The following WWP2 variants were observed in gnomAD, a reference collection of about 807,000 sequenced individuals.
The protein encoded by WWP2 is WW domain containing E3 ubiquitin protein ligase 2, also known as NEDD4-like E3 ubiquitin-protein ligase WWP2.
A neutral mutation model predicts 121.0 loss-of-function variants in WWP2; 57 were observed. The ratio of observed to expected loss-of-function variants is 0.47; its 90% confidence interval spans 0.38 to 0.59. The LOEUF (loss-of-function observed/expected upper bound fraction) is 0.59. WWP2 is among the 20% of genes least tolerant of loss of function. The pLI, the probability that WWP2 is intolerant of heterozygous loss-of-function variation, is 0.00. For synonymous variants in WWP2, 449 were observed against 441.3 expected, an observed-to-expected ratio of 1.02 and a Z score of -0.22; for missense variants, 962 against 1,158.9, an observed-to-expected ratio of 0.83 and a Z score of 2.47.
At chr16:69,849,945 G>T (rs1202083242) in intron 6 of WWP2, among the ~76,000 whole-genome samples, 1 of 152,218 alleles carries the variant, frequency 6.6e-6, no homozygotes, top group Non-Finnish European at 1.5e-5. Context: ...CTCTGTATGA[G>T]CCTAGAGAGA....
At chr16:69,859,987 GGGGGGCTAGAGTGAGA>G (rs2057387237) in intron 6 of WWP2, among the ~76,000 whole-genome samples, 1 of 151,616 alleles carries the variant, frequency 6.6e-6, no homozygotes, top group South Asian at 2.1e-4. Context: ...AGGCATTGGA[GGGGGGCTAGAGTGAGA>G]GGGATGTCAT....
At chr16:69,918,179 T>C (rs901401489) in intron 10 of WWP2, among the ~76,000 whole-genome samples, 2 of 152,212 alleles carry the variant, frequency 1.3e-5, no homozygotes, top group Non-Finnish European at 2.9e-5. Flanking sequence ...CAAGTCCATT[T>C]TCCCTGACTT....
At chr16:69,833,207 T>C (rs758842944) in intron 4 of WWP2, among the ~76,000 whole-genome samples, 3 of 152,356 alleles carry the variant, frequency 2.0e-5, no homozygotes, top group South Asian at 4.1e-4. Flanking sequence ...AAGATTGATA[T>C]ATCTTTTCAG....
intron 4 of WWP2, among the ~76,000 whole-genome samples, chr16:69,806,351 A>G (rs1405291617): frequency 6.6e-6 from 1 of 152,122 alleles, no homozygotes; most frequent in Non-Finnish European, 1.5e-5. Context: ...TTTTCCATCT[A>G]TATTCGTTAG....
Position 69,940,286 on chromosome 16 carries a change from G to A in WWP2, c.*346G>A, listed in dbSNP as rs908108931. ...AGGTGTTGCATCCCCAGGGGCTGCC[G>A]CAGAGGCCGGAGACCTCCTGGACTA... On this transcript the variant is annotated 3_prime_UTR_variant, in exon 24 of 24. Coordinates refer to ENST00000359154, the MANE Select transcript of WWP2 (RefSeq NM_001270454.2). The A allele has an allele frequency of 5.8e-5, 15 of 256,726 alleles. No homozygotes were observed. The highest frequency in any genetic ancestry group is 3.9e-4 in the Admixed American group (8 of 20,354). 15.9% of individuals were successfully genotyped at this position (256,726 alleles called of 1,614,324 possible). A position where few individuals can be genotyped will look rare whatever the true frequency, so the allele number is the denominator to read the frequency against.
At chr16:69,804,106 A>G (rs922789847) in intron 4 of WWP2, among the ~76,000 whole-genome samples, 2 of 152,178 alleles carry the variant, frequency 1.3e-5, no homozygotes, top group Non-Finnish European at 2.9e-5. Context: ...TAAGGTTATT[A>G]TTCTTCGTCT....
chr16:69,777,119 A>G (rs988062693), intron 1 of WWP2, among the ~76,000 whole-genome samples: 3 of 151,052 alleles, frequency 2.0e-5, no homozygotes, highest in Non-Finnish European at 2.9e-5. Flanking sequence ...TGTATATACA[A>G]TACACATATG....
chr16:69,785,242 A>T (rs1043580233), intron 1 of WWP2, among the ~76,000 whole-genome samples: 4 of 152,008 alleles, frequency 2.6e-5, no homozygotes, highest in East Asian at 3.9e-4. Flanking sequence ...AAAAAAAAAA[A>T]AGACAAAAGA....
At chr16:69,773,814 C>A (rs1425456862) in intron 1 of WWP2, among the ~76,000 whole-genome samples, 1 of 152,116 alleles carries the variant, frequency 6.6e-6, no homozygotes, top group Non-Finnish European at 1.5e-5. Context: ...ATTTTCTATG[C>A]AAATTTTTTG....
In WWP2 at chr16:69,870,580, C is replaced by T. The variant is rs144597253; in HGVS notation, c.576-1224C>T. Among the ~76,000 whole-genome samples the T allele has an allele frequency of 6.5e-3, 994 of 152,286 alleles. 8 individuals carry two copies. Among genetic ancestry groups the T allele is most frequent in the African/African-American group, 0.022 (931 of 41,548 alleles). ...CCTCCCAAAGTGTTAGGATAACAGG[C>T]GTGAGCCACTGTGCCCAGCCACCTT... On this transcript the variant is annotated intron_variant, in intron 6 of 23. Coordinates refer to ENST00000359154, the MANE Select transcript of WWP2 (RefSeq NM_001270454.2).
chr16:69,810,261 A>G (rs1483004237), intron 4 of WWP2, among the ~76,000 whole-genome samples: 2 of 152,162 alleles, frequency 1.3e-5, no homozygotes, highest in East Asian at 1.9e-4. Context: ...CACGTCCCGC[A>G]GTGGCGGATG....
chr16:69,876,159 T>C (rs960317137), intron 7 of WWP2, among the ~76,000 whole-genome samples: 1 of 152,088 alleles, frequency 6.6e-6, no homozygotes, highest in African/African-American at 2.4e-5. Flanking sequence ...GGTTTCATCA[T>C]GTGGGCCAGT....
intron 4 of WWP2, among the ~76,000 whole-genome samples, chr16:69,814,905 A>G (rs2056460767): frequency 6.6e-6 from 1 of 152,228 alleles, no homozygotes; most frequent in African/African-American, 2.4e-5. Context: ...AACTTGAGTC[A>G]GTGGGAGAAG....
rs969093615 is a variant in WWP2 at position 69,940,019 on chromosome 16, G to A, written c.*79G>A. ...TGCCTGAGAGGCCACTGGCCCCGCA[G>A]CCCTTGGGAGGCCCCCGTGGATGTG... On this transcript the variant is annotated 3_prime_UTR_variant, in exon 24 of 24. Coordinates refer to ENST00000359154, the MANE Select transcript of WWP2 (RefSeq NM_001270454.2). 3.3e-6 allele frequency: 4 copies of A among 1,200,278 alleles called. No homozygotes were observed. The African/African-American group carries it at 4.5e-5, about 14-fold the overall frequency. The allele number at this position is 1,200,278 out of a possible 1,614,324, so 74.4% of individuals were successfully genotyped here.
intron 4 of WWP2, among the ~76,000 whole-genome samples, chr16:69,803,842 A>C (rs1274365725): frequency 6.6e-6 from 1 of 152,182 alleles, no homozygotes; most frequent in Non-Finnish European, 1.5e-5. Context: ...TGGGAGGCGA[A>C]GGTTGCAGTG....
intron 1 of WWP2, among the ~76,000 whole-genome samples, chr16:69,770,644 C>T (rs1239259902): frequency 2.0e-5 from 3 of 152,124 alleles, no homozygotes; most frequent in Admixed American, 1.3e-4. Flanking sequence ...GTCAGAAGCA[C>T]GGGTAAAACA....
chr16:69,855,604 G>T (rs1200002565), intron 6 of WWP2, among the ~76,000 whole-genome samples: 1 of 152,224 alleles, frequency 6.6e-6, no homozygotes, highest in African/African-American at 2.4e-5. Flanking sequence ...GCAGTCAAGA[G>T]AGGTGTTGTT....
intron 2 of WWP2, among the ~76,000 whole-genome samples, chr16:69,797,617 G>A (rs1429879466): frequency 1.3e-5 from 2 of 152,036 alleles, no homozygotes; most frequent in Non-Finnish European, 2.9e-5. Context: ...GGCCAGGTGC[G>A]GTGGCTCACG....
At chr16:69,858,457 C>G (rs2057358232) in intron 6 of WWP2, among the ~76,000 whole-genome samples, 1 of 152,230 alleles carries the variant, frequency 6.6e-6, no homozygotes, top group African/African-American at 2.4e-5. Context: ...GGTTTACGTT[C>G]CCTGGCGCCT....
Sources: gnomAD v4.1 joint callset for allele counts (sites outside exome capture counted in the v4.1 genomes callset) on GRCh38, gnomAD v4.1.1 for gene constraint, MANE v1.5 for transcripts, NCBI Gene and HGNC (gene_info 2026-07-23, HGNC 2026-07-21) for gene names.